Variants in BICD1 observed in about 807,000 individuals in gnomAD.
The protein encoded by BICD1 is BICD cargo adaptor 1.
BICD1 carries 35 observed loss-of-function variants against 92.5 expected under a neutral mutation model. The observed-to-expected ratio is 0.38, with a 90% CI of 0.29 to 0.50. BICD1 has a LOEUF of 0.50. Among genes scored for constraint, BICD1 ranks in the 20% least tolerant of loss-of-function variants. The probability of loss-of-function intolerance (pLI) is 0.93; values close to 1 mark genes in which losing one functional copy is unlikely to be tolerated. For synonymous variants in BICD1, 429 were observed against 465.1 expected, an observed-to-expected ratio of 0.92 and a Z score of 1.00; for missense variants, 950 against 1,189.8, an observed-to-expected ratio of 0.80 and a Z score of 2.97.
intron 8 of BICD1, among the ~76,000 whole-genome samples, chr12:32,346,588 A>ATATATATATATATATATACGTG (rs1938610617): frequency 2.4e-4 from 1 of 4,086 alleles, no homozygotes. Flanking sequence ...ATATACGTGT[A>ATATATATATATATATATACGTG]TATATATATA....
In BICD1 at chr12:32,107,076, G is replaced by A; in HGVS notation, c.-256G>A. On this transcript the variant is annotated 5_prime_UTR_variant, in exon 1 of 10. Coordinates refer to ENST00000652176, the MANE Select transcript of BICD1 (RefSeq NM_001714.4). The stretch of plus-strand genomic sequence containing the variant: ...ACCGCACGCAGGGGCCGGCCCCGAG[G>A]ACACATGCGGCGGCCTTTGCCGCCT... The A allele has an allele frequency of 2.0e-6, 1 of 490,482 alleles. No homozygotes were observed. Among genetic ancestry groups the A allele is most frequent in the Non-Finnish European group, 3.7e-6 (1 of 272,040 alleles). 30.4% of individuals were successfully genotyped at this position (490,482 alleles called of 1,614,324 possible). A position where few individuals can be genotyped will look rare whatever the true frequency, so the allele number is the denominator to read the frequency against.
chr12:32,178,600 A>G (rs1352283061), intron 1 of BICD1, among the ~76,000 whole-genome samples: 1 of 152,016 alleles, frequency 6.6e-6, no homozygotes, highest in Non-Finnish European at 1.5e-5. Flanking sequence ...TACAGCACTA[A>G]GCTCAGGATT....
intron 1 of BICD1, among the ~76,000 whole-genome samples, chr12:32,142,432 C>CA (rs1305439204): frequency 8.1e-5 from 4 of 49,438 alleles, no homozygotes; most frequent in African/African-American, 3.2e-4. Context: ...AAAAAAAAAA[C>CA]AAAAAACCCC....
chr12:32,306,460 G>A (rs924854839), intron 4 of BICD1, among the ~76,000 whole-genome samples: 19 of 151,948 alleles, frequency 1.3e-4, no homozygotes, highest in South Asian at 6.2e-4. Flanking sequence ...TAGCCAGGAT[G>A]GTCTCGATCT....
chr12:32,107,569 T>G, intron 1 of BICD1, 25 bp downstream of exon 1: 1 of 1,555,264 alleles, frequency 6.4e-7, no homozygotes, highest in African/African-American at 1.4e-5. Flanking sequence ...ACCTCTCCCT[T>G]TCCTGGCCCT....
chr12:32,267,882 C>T (rs1007990466), intron 2 of BICD1, among the ~76,000 whole-genome samples: 19 of 152,348 alleles, frequency 1.2e-4, no homozygotes, highest in African/African-American at 4.1e-4. Flanking sequence ...TGGCTCACTA[C>T]ACCCTCTAAC....
At chr12:32,298,313 G>C (rs1222720096) in intron 3 of BICD1, among the ~76,000 whole-genome samples, 1 of 152,136 alleles carries the variant, frequency 6.6e-6, no homozygotes, top group African/African-American at 2.4e-5. Context: ...TGGAATCCCA[G>C]CACTTTGGGA....
At position 32,177,894 on chromosome 12, in the gene BICD1, G is replaced by A. The variant is rs1249689959; in HGVS notation, c.214-38353G>A. Among the ~76,000 whole-genome samples, 2 of 150,042 alleles carry A rather than the reference G, an allele frequency of 1.3e-5. 1 individual carries two copies. Among genetic ancestry groups the A allele is most frequent in the Non-Finnish European group, 3.0e-5 (2 of 67,554 alleles). The stretch of plus-strand genomic sequence containing the variant: ...AAAGATGAGCTTACCAAAGTTATTT[G>A]CAGCTGTTAAAAATAGTGATATACG... On this transcript the variant is annotated intron_variant, in intron 1 of 9. Coordinates refer to ENST00000652176, the MANE Select transcript of BICD1 (RefSeq NM_001714.4).
chr12:32,245,310 G>T (rs1244040582), intron 2 of BICD1, among the ~76,000 whole-genome samples: 10 of 150,416 alleles, frequency 6.6e-5, no homozygotes, highest in African/African-American at 2.5e-4. Context: ...GCAGTGGCGC[G>T]ATCTCAGCTC....
intron 2 of BICD1, among the ~76,000 whole-genome samples, chr12:32,254,032 C>T (rs1946648099): frequency 7.1e-6 from 1 of 140,824 alleles, no homozygotes; most frequent in South Asian, 2.3e-4. Flanking sequence ...TAATCACTGC[C>T]CATATCCCAC....
intron 2 of BICD1, among the ~76,000 whole-genome samples, chr12:32,263,366 G>A (rs944576994): frequency 2.0e-5 from 3 of 151,958 alleles, no homozygotes; most frequent in African/African-American, 4.8e-5. Flanking sequence ...CGCCAAGATG[G>A]TGAAACCCTG....
In BICD1 at chr12:32,327,628, G is replaced by A; in HGVS notation, c.1173G>A (p.Leu391=). ...LQSSKELKAE[L]DGEKGRDSGE... ...GCAGCAAGGAGCTCAAGGCTGAGCT[G>A]GACGGGGAGAAGGGCCGGGACTCAG... The change falls in exon 5 of 10, where the codon CTG becomes CTA. Residue 391 remains leucine (L), a synonymous_variant. Coordinates refer to ENST00000652176, the MANE Select transcript of BICD1 (RefSeq NM_001714.4). 2.5e-6 allele frequency: 4 copies of A among 1,614,114 alleles called. No individual in the cohort carries two copies. The highest frequency in any genetic ancestry group is 3.4e-6 in the Non-Finnish European group (4 of 1,180,000).
intron 6 of BICD1, among the ~76,000 whole-genome samples, chr12:32,334,910 A>G (rs1033896568): frequency 1.1e-4 from 17 of 152,210 alleles, no homozygotes; most frequent in Admixed American, 8.5e-4. Flanking sequence ...TTTTTTAAGT[A>G]AGCTAATATT....
intron 1 of BICD1, among the ~76,000 whole-genome samples, chr12:32,152,216 C>T (rs1273134610): frequency 6.6e-6 from 1 of 151,076 alleles, no homozygotes; most frequent in East Asian, 1.9e-4. Flanking sequence ...CTTGGCCTCC[C>T]AAAGTGCTGG....
chr12:32,222,012 T>C (rs973324190), intron 2 of BICD1, among the ~76,000 whole-genome samples: 2 of 152,208 alleles, frequency 1.3e-5, no homozygotes, highest in African/African-American at 4.8e-5. Flanking sequence ...TTATACTTAT[T>C]TATACTAAAC....
At chr12:32,370,252 A>T (rs750632294) in intron 9 of BICD1, among the ~76,000 whole-genome samples, 1 of 152,016 alleles carries the variant, frequency 6.6e-6, no homozygotes, top group African/African-American at 2.4e-5. Context: ...CTGTAATCTC[A>T]GGTTCTCGGG....
intron 1 of BICD1, among the ~76,000 whole-genome samples, chr12:32,124,979 C>T (rs561385763): frequency 5.3e-5 from 8 of 152,218 alleles, no homozygotes; most frequent in East Asian, 1.9e-4. Context: ...GTACCTGTGA[C>T]TAACAAGGGG....
chr12:32,116,376 C>G (rs1039340298), intron 1 of BICD1, among the ~76,000 whole-genome samples: 3 of 151,996 alleles, frequency 2.0e-5, no homozygotes, highest in Non-Finnish European at 4.4e-5. Context: ...TTTTTCCACT[C>G]TGGTCACTCA....
intron 1 of BICD1, among the ~76,000 whole-genome samples, chr12:32,162,488 A>G (rs1943628570): frequency 6.6e-6 from 1 of 152,186 alleles, no homozygotes; most frequent in Non-Finnish European, 1.5e-5. Flanking sequence ...CTCTATGGGA[A>G]TCCATTTCCA....
Sources: gnomAD v4.1 joint callset for allele counts (sites outside exome capture counted in the v4.1 genomes callset) on GRCh38, gnomAD v4.1.1 for gene constraint, MANE v1.5 for transcripts, NCBI Gene and HGNC (gene_info 2026-07-23, HGNC 2026-07-21) for gene names.